The following RORA variants were observed in gnomAD, a reference collection of about 807,000 sequenced individuals.
The protein encoded by RORA is nuclear receptor ROR-alpha.
Under a neutral mutation model 69.5 loss-of-function variants are expected in RORA, and 7 were observed. That is an observed-to-expected ratio of 0.10 (90% CI 0.06 to 0.19). The LOEUF (loss-of-function observed/expected upper bound fraction) is 0.19. Ranked by LOEUF, RORA falls within the 10% of genes least tolerant of loss-of-function variation. The probability of loss-of-function intolerance (pLI) is 1.00; values close to 1 mark genes in which losing one functional copy is unlikely to be tolerated. For synonymous variants in RORA, 261 were observed against 240.8 expected (o/e 1.08, Z -0.78); for missense variants, 457 against 663.0 (o/e 0.69, Z 3.41).
At chr15:61,099,345 G>T (rs1220413095) in intron 1 of RORA, among the ~76,000 whole-genome samples, 2 of 152,186 alleles carry the variant, frequency 1.3e-5, no homozygotes, top group Non-Finnish European at 2.9e-5. Flanking sequence ...AGATGGTTCT[G>T]TAGATGTCAG....
chr15:60,791,392 T>G (rs1044273060), intron 1 of RORA, among the ~76,000 whole-genome samples: 1 of 152,232 alleles, frequency 6.6e-6, no homozygotes, highest in African/African-American at 2.4e-5. Flanking sequence ...TAAAAACCAT[T>G]TTCAAGGCAA....
At chr15:61,163,649 T>C (rs966647682) in intron 1 of RORA, among the ~76,000 whole-genome samples, 4 of 152,290 alleles carry the variant, frequency 2.6e-5, no homozygotes, top group African/African-American at 4.8e-5. Flanking sequence ...ATCGAAGCAG[T>C]GGTAGCTGGT....
intron 1 of RORA, among the ~76,000 whole-genome samples, chr15:60,894,492 G>T (rs187946673): frequency 6.6e-6 from 1 of 152,196 alleles, no homozygotes; most frequent in African/African-American, 2.4e-5. Context: ...AAAATTGGGC[G>T]TGGAGTCACA....
At chr15:60,733,951 A>AGAGG (rs1201143345) in intron 1 of RORA, among the ~76,000 whole-genome samples, 1 of 150,812 alleles carries the variant, frequency 6.6e-6, no homozygotes, top group Non-Finnish European at 1.5e-5. Flanking sequence ...AGAGAGAGAG[A>AGAGG]GAGAAAGAGA....
intron 1 of RORA, among the ~76,000 whole-genome samples, chr15:60,682,924 C>T (rs2553234): frequency 0.19 from 28,728 of 152,164 alleles, 2,978 homozygotes; most frequent in African/African-American, 0.28. Context: ...ATACACCCTG[C>T]GCCCAAAGTG....
intron 1 of RORA, among the ~76,000 whole-genome samples, chr15:60,730,562 A>G (rs1294557741): frequency 6.6e-6 from 1 of 152,144 alleles, no homozygotes; most frequent in Non-Finnish European, 1.5e-5. Context: ...TTCTCTTTTG[A>G]GGTCAAACTT....
At chr15:60,591,528 GC>G (rs1470098268) in intron 2 of RORA, among the ~76,000 whole-genome samples, 2 of 151,918 alleles carry the variant, frequency 1.3e-5, no homozygotes, top group Admixed American at 6.5e-5. Context: ...CCCGCCCCCG[GC>G]CCGGCTACGG....
chr15:61,217,308 G>C (rs2080049268), intron 1 of RORA, among the ~76,000 whole-genome samples: 1 of 152,174 alleles, frequency 6.6e-6, no homozygotes, highest in Non-Finnish European at 1.5e-5. Context: ...CAGAGGAAGA[G>C]GTTACATGTT....
At chr15:61,102,307 G>A (rs16943625) in intron 1 of RORA, among the ~76,000 whole-genome samples, 76 of 152,244 alleles carry the variant, frequency 5.0e-4, no homozygotes, top group African/African-American at 1.8e-3. Flanking sequence ...ACTACAAAAC[G>A]TCACACAGGC....
intron 2 of RORA, among the ~76,000 whole-genome samples, chr15:60,652,697 C>G (rs2070162565): frequency 6.6e-6 from 1 of 152,146 alleles, no homozygotes. Flanking sequence ...TCCCCCTTCC[C>G]TCAATTAGTT....
intron 1 of RORA, among the ~76,000 whole-genome samples, chr15:61,080,435 C>A (rs2078522420): frequency 6.6e-6 from 1 of 152,104 alleles, no homozygotes. Context: ...GCTCCTGGTA[C>A]AATAATGGAC....
chr15:61,036,813 C>T (rs1232356639), intron 1 of RORA, among the ~76,000 whole-genome samples: 4 of 141,214 alleles, frequency 2.8e-5, no homozygotes, highest in African/African-American at 5.5e-5. Context: ...TCCACCCCCA[C>T]CCCTGCCCTT....
At chr15:61,108,141 G>T (rs146028564) in intron 1 of RORA, among the ~76,000 whole-genome samples, 38 of 152,284 alleles carry the variant, frequency 2.5e-4, no homozygotes, top group African/African-American at 8.9e-4. Context: ...CTATTCCAGA[G>T]AAGATGTCCC....
chr15:61,071,968 A>G (rs2078372448), intron 1 of RORA, among the ~76,000 whole-genome samples: 1 of 152,062 alleles, frequency 6.6e-6, no homozygotes, highest in Non-Finnish European at 1.5e-5. Flanking sequence ...GGACAGTAAG[A>G]AACAACCACT....
rs578210297 is a variant in RORA, at chr15:60,961,107, G to A, written c.166+267946C>T. 1.3e-4 allele frequency among the ~76,000 whole-genome samples: 20 copies of A among 152,160 alleles called. No homozygotes were observed. In the South Asian group the frequency reaches 2.3e-3, roughly 17 times the overall value. The stretch of plus-strand genomic sequence containing the variant: ...CAAGGGCAAATCTCACCTCCTTCAG[G>A]ACATTCTTAGATCTCTCTGGCCTCT... On this transcript the variant is annotated intron_variant, in intron 1 of 10. Transcript: ENST00000335670.
chr15:60,858,473 T>C (rs1314339844), intron 1 of RORA, among the ~76,000 whole-genome samples: 1 of 151,904 alleles, frequency 6.6e-6, no homozygotes, highest in Non-Finnish European at 1.5e-5. Context: ...ACTCACCCAG[T>C]ATGGTTCAGA....
chr15:61,116,094 C>T (rs906961267), intron 1 of RORA, among the ~76,000 whole-genome samples: 5 of 152,084 alleles, frequency 3.3e-5, no homozygotes, highest in African/African-American at 1.2e-4. Context: ...AAACAAAAAA[C>T]ACCACTGTTC....
chr15:60,643,164 CAAAT>C (rs746682192), intron 2 of RORA, among the ~76,000 whole-genome samples: 8 of 152,112 alleles, frequency 5.3e-5, no homozygotes, highest in Non-Finnish European at 8.8e-5. Flanking sequence ...GGTCTCAAAA[CAAAT>C]ACATACATAC....
intron 2 of RORA, among the ~76,000 whole-genome samples, chr15:60,583,532 G>T (rs2068249441): frequency 1.3e-5 from 2 of 152,172 alleles, no homozygotes; most frequent in South Asian, 4.1e-4. Context: ...ACATGCAGAG[G>T]CTGGGGCTTC....
Sources: allele counts gnomAD v4.1 joint callset (sites outside exome capture counted in the v4.1 genomes callset), GRCh38; gene constraint gnomAD v4.1.1; transcripts MANE v1.5; gene names NCBI Gene and HGNC (gene_info 2026-07-23, HGNC 2026-07-21).